Variants in PTPRZ1 observed in about 807,000 individuals in gnomAD.
PTPRZ1 encodes the protein protein tyrosine phosphatase receptor type Z1.
A neutral mutation model predicts 214.1 loss-of-function variants in PTPRZ1; 82 were observed. The observed-to-expected ratio is 0.38, with a 90% confidence interval of 0.32 to 0.46. PTPRZ1 has a LOEUF of 0.46. Ranked by LOEUF, PTPRZ1 falls within the 20% of genes least tolerant of loss-of-function variation. The pLI is 1.00. For synonymous variants in PTPRZ1, 945 were observed against 987.9 expected (o/e 0.96, Z 0.81); for missense variants, 2,603 against 2,748.7 (o/e 0.95, Z 1.19).
chr7:121,955,566 C>A (rs1187907878), intron 2 of PTPRZ1, among the ~76,000 whole-genome samples: 1 of 152,116 alleles, frequency 6.6e-6, no homozygotes, highest in Non-Finnish European at 1.5e-5. Context: ...GTTTGCCTGC[C>A]TTTCATTGAG....
At chr7:121,889,219 T>C (rs1406245225) in intron 1 of PTPRZ1, among the ~76,000 whole-genome samples, 1 of 152,168 alleles carries the variant, frequency 6.6e-6, no homozygotes, top group Non-Finnish European at 1.5e-5. Context: ...TTGGAGACGG[T>C]ATTAGTCATA....
intron 29 of PTPRZ1, 114 bp downstream of exon 29, chr7:122,060,002 T>G (rs943292567): frequency 2.8e-6 from 3 of 1,060,712 alleles, no homozygotes; most frequent in African/African-American, 1.6e-5. Context: ...AACATTAGTA[T>G]GTAGTTTTCA....
rs945907897 is a variant in PTPRZ1 at position 122,061,901 on chromosome 7, G to A, written c.*681G>A. On this transcript the variant is annotated 3_prime_UTR_variant, in exon 30 of 30. Coordinates refer to ENST00000393386, the MANE Select transcript of PTPRZ1 (RefSeq NM_002851.3). ...TAAGTCATTAACTTTGTTTCAGCAT[G>A]TAATTTTAACTTTTGTGGAAAATAG... 1.3e-5 allele frequency: 2 copies of A among 152,534 alleles called. No individual in the cohort carries two copies. The highest frequency in any genetic ancestry group is 2.9e-5 in the Non-Finnish European group (2 of 68,018). 9.4% of individuals were successfully genotyped at this position (152,534 alleles called of 1,614,324 possible). A position where few individuals can be genotyped will look rare whatever the true frequency, so the allele number is the denominator to read the frequency against.
At chr7:121,873,591 C>T in intron 1 of PTPRZ1, 34 bp downstream of exon 1, 6 of 1,610,716 alleles carry the variant, frequency 3.7e-6, no homozygotes, top group Non-Finnish European at 5.1e-6. Context: ...GTTTCAGCTC[C>T]GGGATCGGTG....
At chr7:121,927,855 C>A (rs1453194338) in intron 1 of PTPRZ1, among the ~76,000 whole-genome samples, 2 of 152,170 alleles carry the variant, frequency 1.3e-5, no homozygotes, top group African/African-American at 4.8e-5. Flanking sequence ...CTTTCTGACT[C>A]CAGTCCCTCT....
intron 8 of PTPRZ1, among the ~76,000 whole-genome samples, chr7:121,987,492 C>T (rs1448925481): frequency 6.6e-6 from 1 of 152,174 alleles, no homozygotes; most frequent in African/African-American, 2.4e-5. Flanking sequence ...AGATTGCTTT[C>T]CACAATGGCT....
intron 25 of PTPRZ1, among the ~76,000 whole-genome samples, chr7:122,052,330 C>A (rs913849101): frequency 2.0e-5 from 3 of 152,160 alleles, no homozygotes; most frequent in Non-Finnish European, 4.4e-5. Flanking sequence ...AGGTTTGCAG[C>A]ATGATTTTTA....
intron 13 of PTPRZ1, among the ~76,000 whole-genome samples, chr7:122,022,354 AT>A (rs1799043290): frequency 6.6e-6 from 1 of 151,988 alleles, no homozygotes; most frequent in East Asian, 1.9e-4. Flanking sequence ...TTTGCTGCCT[AT>A]TTTTTAATTG....
chr7:121,926,080 G>A (rs1002219404), intron 1 of PTPRZ1, among the ~76,000 whole-genome samples: 35 of 152,086 alleles, frequency 2.3e-4, no homozygotes, highest in Admixed American at 4.6e-4. Context: ...CAAGGCGGGC[G>A]GATCACGAGG....
rs1427661666 is a variant in PTPRZ1, at chr7:122,013,563, C to T, written c.4517C>T (p.Pro1506Leu). The T allele has an allele frequency of 3.7e-6, 6 of 1,614,020 alleles. No homozygotes were observed. In the South Asian group the frequency reaches 4.4e-5, roughly 12 times the overall value. The change falls in exon 12 of 30, where the codon CCA becomes CTA. Residue 1506 changes from proline (P) to leucine (L), a missense_variant. This residue lies in a region of PTPRZ1 where 1,913 missense variants were observed against 1,914.3 expected (regional missense o/e 1.00). Coordinates refer to ENST00000393386, the MANE Select transcript of PTPRZ1 (RefSeq NM_002851.3). ...ATGGACAGAAGTCCTGGTAAATCACCATCAGCAAATGGGCTATCCCAAAAG... is the reference window on the plus strand; with the variant it reads ...ATGGACAGAAGTCCTGGTAAATCACTATCAGCAAATGGGCTATCCCAAAAG... ...TGMDRSPGKS[P>L]SANGLSQKHN...
intron 8 of PTPRZ1, among the ~76,000 whole-genome samples, chr7:121,988,958 C>G (rs1373923169): frequency 6.6e-6 from 1 of 152,002 alleles, no homozygotes; most frequent in African/African-American, 2.4e-5. Flanking sequence ...AAGAAAGATT[C>G]TAATTTTAAA....
intron 2 of PTPRZ1, among the ~76,000 whole-genome samples, chr7:121,951,693 A>G (rs966679742): frequency 2.6e-5 from 4 of 152,164 alleles, no homozygotes; most frequent in Admixed American, 2.6e-4. Context: ...CTCAAATTCC[A>G]CTACCTGTAG....
rs1487233398 is a variant in PTPRZ1 at position 122,011,961 on chromosome 7, C to G, written c.2915C>G (p.Pro972Arg). Residue 972 changes from proline to arginine, a missense_variant, in exon 12 of 30, where the codon CCT becomes CGT. Physicochemically the swap from Pro to Arg is moderately radical, Grantham distance 103. Transcript: ENST00000393386. ...LFSGPSHIPI[P>R]KSSLITPTAS... ...AGCGGCCCTAGCCATATACCAATAC[C>G]TAAGTCTTCGTTAATAACCCCAACT... The G allele has an allele frequency of 1.9e-6, 3 of 1,614,186 alleles. No individual in the cohort carries two copies. Among genetic ancestry groups the G allele is most frequent in the African/African-American group, 1.3e-5 (1 of 75,046 alleles).
chr7:121,905,650 TACACACACAC>T (rs10528167), intron 1 of PTPRZ1, among the ~76,000 whole-genome samples: 1 of 145,264 alleles, frequency 6.9e-6, no homozygotes, highest in Non-Finnish European at 1.5e-5. Flanking sequence ...TTCTATTCTT[TACACACACAC>T]ACACACACAC....
chr7:121,934,938 A>C (rs1044223673), intron 2 of PTPRZ1, among the ~76,000 whole-genome samples: 6 of 152,130 alleles, frequency 3.9e-5, no homozygotes, highest in African/African-American at 1.4e-4. Context: ...TATTCATGAA[A>C]ATTGCTAAGA....
At chr7:122,036,188 C>G (rs1261183510) in intron 17 of PTPRZ1, among the ~76,000 whole-genome samples, 1 of 152,194 alleles carries the variant, frequency 6.6e-6, no homozygotes, top group Non-Finnish European at 1.5e-5. Context: ...CCTCCCCACC[C>G]ATCACATTTT....
At chr7:121,990,729 A>G (rs1797933835) in intron 8 of PTPRZ1, among the ~76,000 whole-genome samples, 1 of 152,026 alleles carries the variant, frequency 6.6e-6, no homozygotes, top group Non-Finnish European at 1.5e-5. Context: ...CATGTTGGCC[A>G]GACTGGTCTC....
intron 2 of PTPRZ1, among the ~76,000 whole-genome samples, chr7:121,935,808 T>G (rs1351143495): frequency 6.6e-6 from 1 of 152,170 alleles, no homozygotes; most frequent in Non-Finnish European, 1.5e-5. Flanking sequence ...GACCTCGTGA[T>G]CTGCCCACCT....
At chr7:121,964,835 C>T (rs1243228654) in intron 2 of PTPRZ1, among the ~76,000 whole-genome samples, 1 of 151,876 alleles carries the variant, frequency 6.6e-6, no homozygotes, top group Admixed American at 6.6e-5. Flanking sequence ...GAGAGTATTG[C>T]GGGAATAGGT....
Sources: gnomAD v4.1 joint callset for allele counts (sites outside exome capture counted in the v4.1 genomes callset) on GRCh38, gnomAD v4.1.1 for gene constraint, gnomAD v4.1.1 regional missense constraint, MANE v1.5 for transcripts, NCBI Gene and HGNC (gene_info 2026-07-23, HGNC 2026-07-21) for gene names.